DPH6: variants seen among roughly 807,000 people sequenced by gnomAD.
The protein encoded by DPH6 is diphthine--ammonia ligase.
DPH6 carries 33 observed loss-of-function variants against 38.2 expected under a neutral mutation model. That is an observed-to-expected ratio of 0.86 (90% confidence interval 0.65 to 1.15). The LOEUF is 1.15. Ranked by LOEUF, DPH6 falls within the 50% of genes most tolerant of loss-of-function variation. The pLI, the probability that DPH6 is intolerant of heterozygous loss-of-function variation, is 0.00. For missense variants in DPH6, 325 were observed against 320.0 expected, an observed-to-expected ratio of 1.02 and a Z score of -0.12; for synonymous variants, 108 against 103.0, an observed-to-expected ratio of 1.05 and a Z score of -0.30.
At position 35,360,346 on chromosome 15, in the gene DPH6, C is replaced by T. The variant is rs185351188; in HGVS notation, n.207+13175G>A. On this transcript the variant is annotated intron_variant and non_coding_transcript_variant, in intron 3 of 3. Coordinates refer to the DPH6 transcript ENST00000558973. ...GCCTGGTACCAATCAGATGGGACTA[C>T]CTCTGGAACCATGGTCAAGCAAGGT... Among the ~76,000 whole-genome samples the T allele has an allele frequency of 2.0e-5, 3 of 152,246 alleles. No individual in the cohort carries two copies. In the East Asian group the frequency reaches 5.8e-4, roughly 29 times the overall value.
intron 5 of DPH6, among the ~76,000 whole-genome samples, chr15:35,415,449 A>G (rs1352518064): frequency 6.6e-6 from 1 of 152,038 alleles, no homozygotes; most frequent in Non-Finnish European, 1.5e-5. Context: ...TAGGCACCAT[A>G]AGATCTCATT....
At chr15:35,382,474 A>ACACAC (rs2052884273) in intron 6 of DPH6, among the ~76,000 whole-genome samples, 3 of 133,564 alleles carry the variant, frequency 2.2e-5, no homozygotes, top group Non-Finnish European at 4.8e-5. Context: ...CACACACACA[A>ACACAC]AATTAAGATT....
intron 6 of DPH6, among the ~76,000 whole-genome samples, chr15:35,393,897 G>A (rs757617756): frequency 1.8e-4 from 27 of 152,098 alleles, no homozygotes; most frequent in Non-Finnish European, 3.8e-4. Context: ...ATAGATGGTA[G>A]TTCTGTTTAC....
At chr15:35,264,002 C>T (rs779242046) in intron 3 of DPH6, among the ~76,000 whole-genome samples, 47 of 151,918 alleles carry the variant, frequency 3.1e-4, no homozygotes, top group East Asian at 1.9e-4. Flanking sequence ...CGTGAGCCAC[C>T]GCGCCCAACA....
Position 35,420,498 on chromosome 15 carries a change from CAG to C in DPH6, c.506-9604_506-9603del, listed in dbSNP as rs1447727935. The stretch of plus-strand genomic sequence containing the variant: ...CAAAACAATGCAAAAATCAATAAAA[CAG>C]AGTTTTATTTTATTTTATTTTAATT... On this transcript the variant is annotated intron_variant, in intron 5 of 8. Coordinates refer to ENST00000256538, the MANE Select transcript of DPH6 (RefSeq NM_080650.4). 2.0e-5 allele frequency among the ~76,000 whole-genome samples: 3 copies of C among 151,904 alleles called. No homozygotes were observed. The East Asian group carries it at 5.8e-4, about 29-fold the overall frequency.
At chr15:35,287,847 AT>A (rs2051953999) in intron 3 of DPH6, among the ~76,000 whole-genome samples, 1 of 152,210 alleles carries the variant, frequency 6.6e-6, no homozygotes. Flanking sequence ...ACATTGCAAA[AT>A]GTCTTTGTGC....
the DPH6 span, among the ~76,000 whole-genome samples, chr15:35,207,655 C>A: frequency 6.6e-6 from 1 of 152,132 alleles, no homozygotes; most frequent in South Asian, 2.1e-4. Flanking sequence ...CTTCTAATAG[C>A]AAGTTGTTTT....
the DPH6 span, among the ~76,000 whole-genome samples, chr15:35,177,764 AC>A: frequency 0.039 from 5,937 of 151,488 alleles, 125 homozygotes; most frequent in Middle Eastern, 0.051. Context: ...ACATGGAGAA[AC>A]CCCCATCTCT....
intron 3 of DPH6, among the ~76,000 whole-genome samples, chr15:35,361,860 TG>T: frequency 6.6e-6 from 1 of 152,080 alleles, no homozygotes; most frequent in East Asian, 1.9e-4. Flanking sequence ...TTTATTTTAA[TG>T]TTTTCTTACA....
intron 6 of DPH6, among the ~76,000 whole-genome samples, chr15:35,409,856 T>G (rs902264741): frequency 2.0e-5 from 3 of 151,952 alleles, no homozygotes; most frequent in Non-Finnish European, 4.4e-5. Context: ...TCATTTCATT[T>G]TTCTTTTAAT....
chr15:35,256,013 C>T (rs1008426824), intron 3 of DPH6, among the ~76,000 whole-genome samples: 1 of 151,772 alleles, frequency 6.6e-6, no homozygotes, highest in African/African-American at 2.4e-5. Context: ...TATATATACA[C>T]ACCTATATAA....
chr15:35,520,324 A>G, intron 3 of DPH6: 1 of 982,722 alleles, frequency 1.0e-6, no homozygotes, highest in Non-Finnish European at 1.2e-6. Context: ...TAAAATAGAA[A>G]AAGCAAGTTT....
At chr15:35,434,925 C>T (rs1403153953) in intron 5 of DPH6, among the ~76,000 whole-genome samples, 1 of 151,910 alleles carries the variant, frequency 6.6e-6, no homozygotes, top group Non-Finnish European at 1.5e-5. Context: ...AGGTATATGC[C>T]ACCATGCCCA....
intron 3 of DPH6, among the ~76,000 whole-genome samples, chr15:35,342,836 A>T (rs181244031): frequency 5.9e-4 from 90 of 152,334 alleles, no homozygotes; most frequent in Admixed American, 1.1e-3. Flanking sequence ...AGGTTCATTA[A>T]TTCATGGGTT....
At chr15:35,300,564 G>A (rs2052048010) in intron 3 of DPH6, among the ~76,000 whole-genome samples, 2 of 152,158 alleles carry the variant, frequency 1.3e-5, no homozygotes, top group South Asian at 4.1e-4. Flanking sequence ...CTATGTTTTT[G>A]GCTTGAGCAA....
the DPH6 span, among the ~76,000 whole-genome samples, chr15:35,157,601 A>T: frequency 1.3e-5 from 2 of 152,042 alleles, no homozygotes; most frequent in African/African-American, 4.8e-5. Flanking sequence ...ACCTTCTTTC[A>T]ATCCTGCCCA....
At chr15:35,541,767 G>A (rs2055256524) in intron 2 of DPH6, among the ~76,000 whole-genome samples, 1 of 151,976 alleles carries the variant, frequency 6.6e-6, no homozygotes, top group Admixed American at 6.5e-5. Context: ...AAGCAAATTG[G>A]TGAATATATT....
chr15:35,419,056 AACACACACACATAC>A (rs2053471388), intron 5 of DPH6, among the ~76,000 whole-genome samples: 1 of 111,246 alleles, frequency 9.0e-6, no homozygotes, highest in African/African-American at 4.4e-5. Flanking sequence ...TTCAAACTAA[AACACACACACATAC>A]ACACACACAC....
chr15:35,230,771 C>T (rs2051511642), intron 3 of DPH6, among the ~76,000 whole-genome samples: 1 of 152,134 alleles, frequency 6.6e-6, no homozygotes, highest in South Asian at 2.1e-4. Flanking sequence ...AGCAGATTTC[C>T]TTATGTCCCA....
Sources: gnomAD v4.1 joint callset for allele counts (sites outside exome capture counted in the v4.1 genomes callset) on GRCh38, gnomAD v4.1.1 for gene constraint, MANE v1.5 for transcripts, NCBI Gene and HGNC (gene_info 2026-07-23, HGNC 2026-07-21) for gene names.